The following SH3PXD2A variants were observed in gnomAD, a reference collection of about 807,000 sequenced individuals.
SH3PXD2A encodes the protein SH3 and PX domain-containing protein 2A.
A neutral mutation model predicts 115.2 loss-of-function variants in SH3PXD2A; 32 were observed. The observed-to-expected ratio is 0.28, with a 90% CI of 0.21 to 0.37. The LOEUF (loss-of-function observed/expected upper bound fraction) is 0.37, where lower values mean the gene tolerates loss of function less well. Ranked by LOEUF, SH3PXD2A falls within the 10% of genes least tolerant of loss-of-function variation. The pLI is 1.00. For missense variants in SH3PXD2A, 1,328 were observed against 1,498.7 expected, an observed-to-expected ratio of 0.89 and a Z score of 1.88; for synonymous variants, 610 against 629.1, an observed-to-expected ratio of 0.97 and a Z score of 0.45.
At chr10:103,834,087 C>G (rs573801201) in intron 1 of SH3PXD2A, among the ~76,000 whole-genome samples, 10 of 152,290 alleles carry the variant, frequency 6.6e-5, no homozygotes, top group Admixed American at 3.3e-4. Flanking sequence ...TCCTGAAAGA[C>G]CCAGCTCTGG....
chr10:103,803,005 C>G (rs11191813), intron 1 of SH3PXD2A, among the ~76,000 whole-genome samples: 12 of 152,160 alleles, frequency 7.9e-5, no homozygotes, highest in African/African-American at 2.9e-4. Context: ...TCAGACTGGC[C>G]CACCTCCCAG....
intron 8 of SH3PXD2A, among the ~76,000 whole-genome samples, chr10:103,633,752 A>AAAAAT: frequency 6.8e-6 from 1 of 147,828 alleles, no homozygotes; most frequent in South Asian, 2.1e-4. Flanking sequence ...AAAAAAAAAA[A>AAAAAT]AAAGACTCAG....
intron 5 of SH3PXD2A, among the ~76,000 whole-genome samples, chr10:103,710,782 A>C (rs147609202): frequency 6.6e-6 from 1 of 152,064 alleles, no homozygotes; most frequent in Non-Finnish European, 1.5e-5. Context: ...AGGTGGGGTT[A>C]AAAGATTGCC....
intron 2 of SH3PXD2A, among the ~76,000 whole-genome samples, chr10:103,792,037 A>C (rs2039041262): frequency 6.6e-6 from 1 of 152,124 alleles, no homozygotes; most frequent in African/African-American, 2.4e-5. Context: ...GGCCACAGGC[A>C]CAAGTTGAAA....
In SH3PXD2A at chr10:103,671,796, G is replaced by A. The variant is rs778652496; in HGVS notation, c.428-3144C>T. ...GGGGAGGCGGGGGGCGCAGCCAAGT[G>A]AGCAGCTGTGACTGACATGAACCAA... On this transcript the variant is annotated intron_variant, in intron 6 of 14. Coordinates refer to ENST00000369774, the MANE Select transcript of SH3PXD2A (RefSeq NM_001394015.1). Among the ~76,000 whole-genome samples the A allele has an allele frequency of 2.9e-4, 44 of 152,324 alleles. No individual in the cohort carries two copies. The Middle Eastern group carries it at 0.017, about 59-fold the overall frequency.
chr10:103,676,729 C>G (rs2037538978), intron 6 of SH3PXD2A, among the ~76,000 whole-genome samples: 1 of 152,098 alleles, frequency 6.6e-6, no homozygotes, highest in Non-Finnish European at 1.5e-5. Context: ...CCATGGCAGC[C>G]CCTTGGGTTG....
intron 3 of SH3PXD2A, among the ~76,000 whole-genome samples, chr10:103,740,927 GGGCCTTGCTCTCA>G (rs767381236): frequency 1.6e-4 from 24 of 152,178 alleles, no homozygotes; most frequent in Non-Finnish European, 3.1e-4. Flanking sequence ...AGACAGATGA[GGGCCTTGCTCTCA>G]GGAGTTTACC....
chr10:103,837,983 G>A (rs1205238984), intron 1 of SH3PXD2A, among the ~76,000 whole-genome samples: 2 of 151,968 alleles, frequency 1.3e-5, no homozygotes, highest in Non-Finnish European at 2.9e-5. Flanking sequence ...AGTGACTACC[G>A]GATGCCTCAT....
intron 2 of SH3PXD2A, among the ~76,000 whole-genome samples, chr10:103,795,944 A>G (rs916105614): frequency 6.6e-6 from 1 of 150,776 alleles, no homozygotes; most frequent in Non-Finnish European, 1.5e-5. Flanking sequence ...GGAAGGAAGG[A>G]AGGAAGGAAG....
rs1365218814 is a variant in SH3PXD2A, at chr10:103,756,711, A to G, written c.229+10383T>C. ...CCATCTTGGCCAGGGCTGCCCAGAC[A>G]GAGCTATGGGCAGTCATCCTCGACC... On this transcript the variant is annotated intron_variant, in intron 3 of 14. Transcript: ENST00000369774. This position sits in a 1 kb window ranked among gnomAD's most constrained non-coding sequence, Gnocchi z 4.4. 6.6e-6 allele frequency among the ~76,000 whole-genome samples: 1 copy of G among 152,144 alleles called. No individual in the cohort carries two copies. Among genetic ancestry groups the G allele is most frequent in the Non-Finnish European group, 1.5e-5 (1 of 68,012 alleles).
intron 2 of SH3PXD2A, among the ~76,000 whole-genome samples, chr10:103,796,236 A>C (rs1268056129): frequency 7.9e-5 from 12 of 151,998 alleles, no homozygotes; most frequent in Admixed American, 7.9e-4. Flanking sequence ...AGTGGCATGC[A>C]TCTGTGATCC....
chr10:103,825,998 C>T (rs748620847), intron 1 of SH3PXD2A, among the ~76,000 whole-genome samples: 3 of 152,034 alleles, frequency 2.0e-5, no homozygotes, highest in African/African-American at 7.2e-5. Context: ...CTCCTGACCT[C>T]GTGATCGGCC....
intron 1 of SH3PXD2A, among the ~76,000 whole-genome samples, chr10:103,822,676 T>G (rs2039393270): frequency 6.6e-6 from 1 of 152,222 alleles, no homozygotes. Flanking sequence ...CAAAGGAAAC[T>G]GATCTGAATA....
chr10:103,613,463 G>T (rs1392086297), intron 11 of SH3PXD2A, among the ~76,000 whole-genome samples: 1 of 152,242 alleles, frequency 6.6e-6, no homozygotes, highest in Admixed American at 6.5e-5. Flanking sequence ...TCAGGCAAAT[G>T]TGGGAGCTTG....
Position 103,602,520 on chromosome 10 carries a change from C to T in SH3PXD2A, c.2698G>A (p.Glu900Lys), listed in dbSNP as rs756410726. The change falls in exon 15 of 15, where the codon GAG becomes AAG. Residue 900 changes from glutamate (E) to lysine (K), a missense_variant. By Grantham distance (56) the Glu-to-Lys change is moderately conservative (BLOSUM62 1). Coordinates refer to ENST00000369774, the MANE Select transcript of SH3PXD2A (RefSeq NM_001394015.1). ...TCTTTGCCAGAGGGGTCAGGTTGCT[C>T]GTTCTCATCCAGCACCAAATAGTGG... is the stretch of plus-strand genomic sequence containing the variant. ...PSHYLVLDEN[E>K]QPDPSGKELD... The T allele has an allele frequency of 3.9e-5, 63 of 1,614,156 alleles. No individual in the cohort carries two copies. Among genetic ancestry groups the T allele is most frequent in the East Asian group, 1.1e-4 (5 of 44,872 alleles).
At chr10:103,814,808 A>T (rs933495619) in intron 1 of SH3PXD2A, among the ~76,000 whole-genome samples, 4 of 152,176 alleles carry the variant, frequency 2.6e-5, no homozygotes, top group African/African-American at 7.2e-5. Context: ...GTTGTCATGG[A>T]GCTTATATGG....
Position 103,603,339 on chromosome 10 carries a change from G to A in SH3PXD2A, c.1879C>T (p.Pro627Ser). The change falls in exon 15 of 15, where the codon CCA becomes TCA. Residue 627 changes from proline (P) to serine (S), a missense_variant. Pro to Ser is a moderately conservative substitution (Grantham distance 74). Transcript: ENST00000369774. ...GCTGACAGGGTGTCCTCTGCATATGGCCGGAAGCCCTCATTCTCATAGATG... is the reference window on the plus strand; with the variant it reads ...GCTGACAGGGTGTCCTCTGCATATGACCGGAAGCCCTCATTCTCATAGATG... ...ETIYENEGFR[P>S]YAEDTLSARG... The A allele has an allele frequency of 6.2e-7, 1 of 1,614,170 alleles. No homozygotes were observed. The highest frequency in any genetic ancestry group is 8.5e-7 in the Non-Finnish European group (1 of 1,180,012).
At chr10:103,754,388 T>TA (rs1375397147) in intron 3 of SH3PXD2A, 2 of 152,054 alleles carry the variant, frequency 1.3e-5, no homozygotes, top group Non-Finnish European at 2.9e-5. Context: ...TTTGTTGACT[T>TA]AACTTTTTCC....
chr10:103,701,922 ACCAT>A (rs1260999363), intron 5 of SH3PXD2A, among the ~76,000 whole-genome samples: 1 of 142,078 alleles, frequency 7.0e-6, no homozygotes, highest in Non-Finnish European at 1.5e-5. Flanking sequence ...TCATCCAACC[ACCAT>A]CCATCCATCC....
Sources: allele counts gnomAD v4.1 joint callset (sites outside exome capture counted in the v4.1 genomes callset), GRCh38; gene constraint gnomAD v4.1.1; non-coding constraint Gnocchi (gnomAD v3.1); transcripts MANE v1.5; gene names NCBI Gene and HGNC (gene_info 2026-07-23, HGNC 2026-07-21).